ERG: variants seen among roughly 807,000 people sequenced by gnomAD.
ERG encodes transcriptional regulator ERG.
ERG carries 9 observed loss-of-function variants against 55.3 expected under a neutral mutation model. The observed-to-expected ratio is 0.16, with a 90% CI of 0.10 to 0.28. ERG has a LOEUF of 0.28. Ranked by LOEUF, ERG falls within the 10% of genes least tolerant of loss-of-function variation. The probability of loss-of-function intolerance (pLI) is 1.00; values close to 1 mark genes in which losing one functional copy is unlikely to be tolerated. For missense variants in ERG, 434 were observed against 631.6 expected (o/e 0.69, Z 3.35); for synonymous variants, 223 against 237.3 (o/e 0.94, Z 0.55).
At position 38,636,114 on chromosome 21, in the gene ERG, G is replaced by A. The variant is rs1167276427; in HGVS notation, c.-150+25544C>T. ...CATGAGATCTAATGATTTTATCTGG[G>A]GCTTTTCCCCCTATTGATCAGCATT... On this transcript the variant is annotated intron_variant, in intron 1 of 10. Coordinates refer to the ERG transcript ENST00000398910. Among the ~76,000 whole-genome samples the A allele has an allele frequency of 7.9e-5, 12 of 152,116 alleles. No individual in the cohort carries two copies. In the South Asian group the frequency reaches 2.3e-3, roughly 29 times the overall value.
intron 1 of ERG, among the ~76,000 whole-genome samples, chr21:38,598,649 TA>T (rs1225452687): frequency 1.3e-5 from 2 of 152,126 alleles, no homozygotes; most frequent in Non-Finnish European, 2.9e-5. Context: ...AGGAGTGACC[TA>T]AATAACAACA....
chr21:38,538,331 G>C (rs2059726667), intron 2 of ERG, among the ~76,000 whole-genome samples: 1 of 151,928 alleles, frequency 6.6e-6, no homozygotes, highest in African/African-American at 2.4e-5. Context: ...TAAATTTTAT[G>C]TATATTTTAC....
At chr21:38,393,528 A>G (rs1988071932) in intron 6 of ERG, among the ~76,000 whole-genome samples, 1 of 152,228 alleles carries the variant, frequency 6.6e-6, no homozygotes, top group Non-Finnish European at 1.5e-5. Flanking sequence ...GCCAGACACC[A>G]GGAGATGTGT....
At chr21:38,583,493 C>T (rs1010513331) in intron 1 of ERG, among the ~76,000 whole-genome samples, 1 of 151,996 alleles carries the variant, frequency 6.6e-6, no homozygotes, top group African/African-American at 2.4e-5. Context: ...GCATCTCCCA[C>T]ATTTATCTAA....
chr21:38,395,233 T>C, intron 6 of ERG: 1 of 228,270 alleles, frequency 4.4e-6, no homozygotes. Flanking sequence ...TATCCCCCTG[T>C]GGGATATGAC....
intron 6 of ERG, among the ~76,000 whole-genome samples, chr21:38,393,768 G>A (rs1320980863): frequency 1.3e-5 from 2 of 152,192 alleles, no homozygotes; most frequent in Non-Finnish European, 2.9e-5. Context: ...CTGTTTGGCT[G>A]CAAGCATCTT....
chr21:38,573,873 C>G (rs2059978752), intron 2 of ERG, among the ~76,000 whole-genome samples: 1 of 152,180 alleles, frequency 6.6e-6, no homozygotes, highest in Non-Finnish European at 1.5e-5. Context: ...AGGGGAAGGT[C>G]ACCCCTTCAG....
At chr21:38,521,822 A>T (rs2059596992) in intron 2 of ERG, among the ~76,000 whole-genome samples, 2 of 152,192 alleles carry the variant, frequency 1.3e-5, no homozygotes, top group Admixed American at 6.5e-5. Context: ...CGTAAGTTTG[A>T]TCAGATAAGT....
chr21:38,447,521 A>G (rs1191715496), intron 1 of ERG, among the ~76,000 whole-genome samples: 2 of 145,756 alleles, frequency 1.4e-5, no homozygotes, highest in Admixed American at 7.0e-5. Context: ...TTGACAGTAC[A>G]GAAACGGCAT....
At chr21:38,647,414 T>A (rs1055560820) in intron 1 of ERG, among the ~76,000 whole-genome samples, 2 of 152,194 alleles carry the variant, frequency 1.3e-5, no homozygotes, top group Non-Finnish European at 2.9e-5. Context: ...ATGAAAAACG[T>A]CTTATTCCTT....
chr21:38,382,366 T>C lies in ERG; in HGVS notation c.*1037A>G. The C allele has an allele frequency of 9.4e-7, 1 of 1,059,958 alleles. No homozygotes were observed. The highest frequency in any genetic ancestry group is 1.1e-6 in the Non-Finnish European group (1 of 875,598). 65.7% of individuals were successfully genotyped at this position (1,059,958 alleles called of 1,614,324 possible). A position where few individuals can be genotyped will look rare whatever the true frequency, so the allele number is the denominator to read the frequency against. On this transcript the variant is annotated 3_prime_UTR_variant, in exon 10 of 10. Transcript: ENST00000288319. The stretch of plus-strand genomic sequence containing the variant: ...TTGTGGCAGCCAAGAAGGCCATCTC[T>C]TACCTGACCCTGTGGAGAACAAAGC...
intron 1 of ERG, among the ~76,000 whole-genome samples, chr21:38,624,216 G>C (rs2060310724): frequency 6.9e-6 from 1 of 144,120 alleles, no homozygotes; most frequent in South Asian, 2.5e-4. Flanking sequence ...ATTACACCAA[G>C]CACCTGGCTG....
chr21:38,653,354 C>T (rs1033230122), intron 1 of ERG, among the ~76,000 whole-genome samples: 3 of 152,172 alleles, frequency 2.0e-5, no homozygotes, highest in South Asian at 2.1e-4. Flanking sequence ...TCCCAGGATC[C>T]GGAGCACCCC....
intron 1 of ERG, among the ~76,000 whole-genome samples, chr21:38,653,787 C>G (rs1245117078): frequency 2.0e-5 from 3 of 152,200 alleles, no homozygotes; most frequent in African/African-American, 7.2e-5. Context: ...ATGCTCCCAC[C>G]TCTTGTTTGG....
At chr21:38,419,206 C>G (rs1748759571) in intron 3 of ERG, among the ~76,000 whole-genome samples, 1 of 152,266 alleles carries the variant, frequency 6.6e-6, no homozygotes, top group Non-Finnish European at 1.5e-5. Flanking sequence ...TAACCAGTAC[C>G]CTTTGGGAAG....
At chr21:38,449,340 C>T (rs745354023) in intron 1 of ERG, among the ~76,000 whole-genome samples, 14 of 152,076 alleles carry the variant, frequency 9.2e-5, no homozygotes, top group Non-Finnish European at 1.8e-4. Context: ...AAATAACTTA[C>T]GAGAAACACA....
chr21:38,646,868 G>C (rs987153021), intron 1 of ERG, among the ~76,000 whole-genome samples: 2 of 152,080 alleles, frequency 1.3e-5, no homozygotes, highest in African/African-American at 4.8e-5. Context: ...GCTGCTGCAC[G>C]TCAGTCCCGC....
intron 2 of ERG, among the ~76,000 whole-genome samples, chr21:38,573,110 C>A (rs1252619970): frequency 7.9e-5 from 12 of 152,192 alleles, no homozygotes; most frequent in Non-Finnish European, 1.3e-4. Context: ...AACATGTTTA[C>A]AAGCAGTATA....
At chr21:38,427,985 A>G (rs1166855513) in intron 2 of ERG, among the ~76,000 whole-genome samples, 1 of 152,082 alleles carries the variant, frequency 6.6e-6, no homozygotes, top group Non-Finnish European at 1.5e-5. Flanking sequence ...TCAGGAGTTC[A>G]AGACCAGCCT....
Sources: gnomAD v4.1 joint callset for allele counts (sites outside exome capture counted in the v4.1 genomes callset) on GRCh38, gnomAD v4.1.1 for gene constraint, MANE v1.5 for transcripts, NCBI Gene and HGNC (gene_info 2026-07-23, HGNC 2026-07-21) for gene names.